VIRMA: variants seen among roughly 807,000 people sequenced by gnomAD.
VIRMA encodes vir like m6A methyltransferase associated.
VIRMA carries 65 observed loss-of-function variants against 182.4 expected under a neutral mutation model. The observed-to-expected ratio is 0.36, with a 90% CI of 0.29 to 0.44. The LOEUF (loss-of-function observed/expected upper bound fraction) is 0.44. Ranked by LOEUF, VIRMA falls within the 20% of genes least tolerant of loss-of-function variation. VIRMA has a pLI of 1.00. For missense variants in VIRMA, 1,752 were observed against 2,158.1 expected, an observed-to-expected ratio of 0.81 and a Z score of 3.73; for synonymous variants, 709 against 743.1, an observed-to-expected ratio of 0.95 and a Z score of 0.75.
chr8:94,543,401 C>CAAAAAAA (rs1162030319), intron 2 of VIRMA, among the ~76,000 whole-genome samples: 6 of 43,188 alleles, frequency 1.4e-4, no homozygotes, highest in Admixed American at 3.4e-4. Flanking sequence ...AACTCCATCT[C>CAAAAAAA]AAAAAAAAAA....
chr8:94,501,422 C>A (rs552529954), intron 16 of VIRMA, among the ~76,000 whole-genome samples: 4 of 152,018 alleles, frequency 2.6e-5, no homozygotes, highest in Non-Finnish European at 5.9e-5. Context: ...AGTTTTTTGA[C>A]TGGATACACT....
intron 11 of VIRMA, among the ~76,000 whole-genome samples, chr8:94,513,028 C>A (rs1814430133): frequency 6.6e-6 from 1 of 152,194 alleles, no homozygotes; most frequent in South Asian, 2.1e-4. Context: ...TTTCACAGAA[C>A]AGCATTATCA....
Position 94,506,727 on chromosome 8 carries a change from G to A in VIRMA, c.3880-10C>T. The A allele has an allele frequency of 1.3e-6, 2 of 1,567,752 alleles. No homozygotes were observed. The highest frequency in any genetic ancestry group is 1.9e-5 in the Admixed American group (1 of 53,224). ...AGATAAGTGCAATGTCCTGTGGGGAGCAGGGAAAAAAAAATCGATTTTTTA... is the reference window on the plus strand; with the variant it reads ...AGATAAGTGCAATGTCCTGTGGGGAACAGGGAAAAAAAAATCGATTTTTTA... On this transcript the variant is annotated splice_polypyrimidine_tract_variant and intron_variant, in intron 15 of 23. Coordinates refer to ENST00000297591, the MANE Select transcript of VIRMA (RefSeq NM_015496.5).
rs1778632520 is a variant in VIRMA, at chr8:94,495,760, T to C, written c.4515A>G (p.Pro1505=). ...DQDVEPVLSA[P]ESLQNLFNNR... Reference sequence around the variant, plus strand: ...TGTTAAACAGATTCTGAAGAGATTCTGGAGCTGAAAGTACTGGTTCTACAT... The same window carrying C: ...TGTTAAACAGATTCTGAAGAGATTCCGGAGCTGAAAGTACTGGTTCTACAT... Residue 1505 remains proline, a synonymous_variant, in exon 19 of 24, where the codon CCA becomes CCG. Transcript: ENST00000297591. 2 of 1,613,726 alleles carry C rather than the reference T, an allele frequency of 1.2e-6. No individual in the cohort carries two copies. The highest frequency in any genetic ancestry group is 1.3e-5 in the African/African-American group (1 of 74,924).
chr8:94,537,303 T>A, intron 3 of VIRMA, 152 bp from the exon 4 acceptor site: 1 of 654,130 alleles, frequency 1.5e-6, no homozygotes, highest in East Asian at 2.8e-5. Context: ...TAATGTATTG[T>A]CCCCAAAATG....
chr8:94,510,724 G>A (rs1814338589), intron 13 of VIRMA, 72 bp from the exon 14 acceptor site: 2 of 1,126,974 alleles, frequency 1.8e-6, no homozygotes, highest in Non-Finnish European at 2.6e-6. Flanking sequence ...AACTGTTCAG[G>A]AAGAAATGTT....
At chr8:94,520,185 C>CAA (rs757063695) in intron 8 of VIRMA, among the ~76,000 whole-genome samples, 1,392 of 82,878 alleles carry the variant, frequency 0.017, 36 homozygotes, top group East Asian at 0.13. Context: ...GACCCTGCAT[C>CAA]AAAAAAAAAA....
Position 94,543,840 on chromosome 8 carries a change from T to A in VIRMA, c.166A>T (p.Asn56Tyr). The change falls in exon 2 of 24, where the codon AAT (asparagine) becomes TAT (tyrosine). Residue 56 changes from asparagine to tyrosine, a missense_variant. Coordinates refer to ENST00000297591, the MANE Select transcript of VIRMA (RefSeq NM_015496.5). Reference protein sequence around the residue: ...GVRAHSSLPDNRAYGETSPHT... With the variant: ...GVRAHSSLPDYRAYGETSPHT... ...GAGTTGACTTACCCATATGCTCTAT[T>A]GTCTGGCAGACTGCTATGGGCTCTT... is the stretch of plus-strand genomic sequence containing the variant. 1 of 1,591,216 alleles carries A rather than the reference T, an allele frequency of 6.3e-7. No homozygotes were observed. Among genetic ancestry groups the A allele is most frequent in the Non-Finnish European group, 8.6e-7 (1 of 1,161,458 alleles).
At chr8:94,538,970 C>T (rs746068979) in intron 2 of VIRMA, among the ~76,000 whole-genome samples, 21 of 151,944 alleles carry the variant, frequency 1.4e-4, no homozygotes, top group Non-Finnish European at 2.4e-4. Flanking sequence ...GGCGTGACTA[C>T]AGCTCACTGT....
At chr8:94,547,518 A>G (rs1007869631) in intron 1 of VIRMA, among the ~76,000 whole-genome samples, 2 of 150,778 alleles carry the variant, frequency 1.3e-5, no homozygotes, top group African/African-American at 5.0e-5. Context: ...TACTGCTACC[A>G]CTTCCTTTTT....
intron 1 of VIRMA, among the ~76,000 whole-genome samples, chr8:94,548,797 A>C (rs1815869902): frequency 6.6e-6 from 1 of 152,144 alleles, no homozygotes; most frequent in African/African-American, 2.4e-5. Context: ...CTGGGACTAC[A>C]GGCGCATACC....
intron 9 of VIRMA, 42 bp downstream of exon 9, chr8:94,518,943 T>C (rs1306275191): frequency 6.6e-7 from 1 of 1,516,298 alleles, no homozygotes; most frequent in Non-Finnish European, 8.9e-7. Context: ...TAATCTGATT[T>C]TCTAACATCA....
At position 94,529,167 on chromosome 8, in the gene VIRMA, CTCT is replaced by C. The variant is rs569948730; in HGVS notation, c.780_782del (p.Glu261del). ...TTCGTCGATCATCCTCATCCTCATC[CTCT>C]TCTTCCTCTACATCCACATCATCTT... On this transcript the variant is annotated inframe_deletion, in exon 7 of 24. Coordinates refer to ENST00000297591, the MANE Select transcript of VIRMA (RefSeq NM_015496.5). The C allele has an allele frequency of 4.8e-5, 67 of 1,407,338 alleles. No homozygotes were observed. The African/African-American group carries it at 7.2e-4, about 15-fold the overall frequency. 87.2% of individuals were successfully genotyped at this position (1,407,338 alleles called of 1,614,324 possible).
intron 8 of VIRMA, among the ~76,000 whole-genome samples, chr8:94,520,494 T>C (rs1814723758): frequency 6.6e-6 from 1 of 151,774 alleles, no homozygotes; most frequent in African/African-American, 2.4e-5. Context: ...AGCAAGACTC[T>C]GTCTCAAAAA....
At chr8:94,504,190 A>T (rs76710824) in intron 16 of VIRMA, among the ~76,000 whole-genome samples, 4 of 115,318 alleles carry the variant, frequency 3.5e-5, no homozygotes, top group Admixed American at 8.8e-5. Flanking sequence ...AAATAAAATT[A>T]AAAAAAAAAA....
intron 5 of VIRMA, among the ~76,000 whole-genome samples, chr8:94,532,023 G>A (rs1466561259): frequency 6.6e-6 from 1 of 152,224 alleles, no homozygotes; most frequent in East Asian, 1.9e-4. Context: ...GGCTAGAGAT[G>A]GGTGGGATGA....
intron 1 of VIRMA, among the ~76,000 whole-genome samples, chr8:94,547,695 T>C (rs747439406): frequency 2.0e-5 from 3 of 150,922 alleles, no homozygotes; most frequent in Non-Finnish European, 2.9e-5. Flanking sequence ...TGTAAAACAA[T>C]TTAGCTTCAA....
chr8:94,521,329 G>A (rs2130334951), intron 8 of VIRMA, among the ~76,000 whole-genome samples: 1 of 152,238 alleles, frequency 6.6e-6, no homozygotes, highest in Admixed American at 6.5e-5. Flanking sequence ...TCCTGCATTA[G>A]TTTGCTGAGG....
chr8:94,494,945 A>G lies in VIRMA; in HGVS notation c.4556T>C (p.Val1519Ala). 3 of 1,603,828 alleles carry G rather than the reference A, an allele frequency of 1.9e-6. No individual in the cohort carries two copies. The highest frequency in any genetic ancestry group is 1.7e-6 in the Non-Finnish European group (2 of 1,171,746). Residue 1519 changes from valine (V) to alanine (A), a missense_variant, in exon 20 of 24, where the codon GTG (valine) becomes GCG (alanine). By Grantham distance (64) the Val-to-Ala change is moderately conservative. Coordinates refer to ENST00000297591, the MANE Select transcript of VIRMA (RefSeq NM_015496.5). Reference protein sequence around the residue: ...QNLFNNRTAYVLADVMDDQLK... With the variant: ...QNLFNNRTAYALADVMDDQLK... ...CTGATCATCCATGACATCAGCAAGC[A>G]CATAGGCAGTCCTGGAACAAGAAAA...
Sources: gnomAD v4.1 joint callset for allele counts (sites outside exome capture counted in the v4.1 genomes callset) on GRCh38, gnomAD v4.1.1 for gene constraint, MANE v1.5 for transcripts, NCBI Gene and HGNC (gene_info 2026-07-23, HGNC 2026-07-21) for gene names.